Variants in SPATS2 observed in about 807,000 individuals in gnomAD.
The protein encoded by SPATS2 is spermatogenesis associated serine rich 2.
In SPATS2, 38 loss-of-function variants were observed where a neutral mutation model predicts 63.7. That is an observed-to-expected ratio of 0.60 (90% CI 0.46 to 0.78). The LOEUF (loss-of-function observed/expected upper bound fraction) is 0.78, where lower values mean the gene tolerates loss of function less well. Among genes scored for constraint, SPATS2 ranks in the 30% least tolerant of loss-of-function variants. SPATS2 has a pLI of 0.00. For synonymous variants in SPATS2, 207 were observed against 232.9 expected (o/e 0.89, Z 1.01); for missense variants, 588 against 666.2 (o/e 0.88, Z 1.29).
At chr12:49,422,833 G>T (rs1315503452) in intron 2 of SPATS2, among the ~76,000 whole-genome samples, 2 of 151,868 alleles carry the variant, frequency 1.3e-5, no homozygotes, top group African/African-American at 4.8e-5. Context: ...AATCGTTTGA[G>T]CCCAGGAGAT....
At chr12:49,436,193 G>A (rs1367422075) in intron 2 of SPATS2, among the ~76,000 whole-genome samples, 18 of 151,606 alleles carry the variant, frequency 1.2e-4, no homozygotes, top group South Asian at 6.3e-4. Context: ...CGGGCAGAGG[G>A]GCTCCTCACT....
At chr12:49,412,576 G>A (rs1048943535) in intron 2 of SPATS2, among the ~76,000 whole-genome samples, 5 of 151,710 alleles carry the variant, frequency 3.3e-5, no homozygotes, top group Non-Finnish European at 1.5e-5. Context: ...ATGTGTGTGT[G>A]TAAATAATTA....
intron 12 of SPATS2, among the ~76,000 whole-genome samples, chr12:49,523,859 G>A (rs933929702): frequency 6.6e-6 from 1 of 152,106 alleles, no homozygotes; most frequent in African/African-American, 2.4e-5. Context: ...GGCTGAGGCA[G>A]GAGAATGGCG....
intron 2 of SPATS2, among the ~76,000 whole-genome samples, chr12:49,436,645 C>G (rs1158728293): frequency 1.6e-5 from 2 of 125,920 alleles, no homozygotes; most frequent in Non-Finnish European, 3.5e-5. Context: ...GGCGGCTGGC[C>G]GGGCAGAGGG....
intron 2 of SPATS2, among the ~76,000 whole-genome samples, chr12:49,435,601 C>G (rs1469351406): frequency 6.7e-6 from 1 of 149,008 alleles, no homozygotes; most frequent in African/African-American, 2.5e-5. Context: ...GCTAGGATAA[C>G]AGGTGTGAGC....
At chr12:49,442,822 A>G (rs1420603678) in intron 2 of SPATS2, among the ~76,000 whole-genome samples, 1 of 148,462 alleles carries the variant, frequency 6.7e-6, no homozygotes, top group African/African-American at 2.5e-5. Context: ...AAAAAAAAAA[A>G]TTACATTCAC....
intron 2 of SPATS2, among the ~76,000 whole-genome samples, chr12:49,447,472 C>T (rs1268511626): frequency 2.7e-5 from 4 of 147,874 alleles, no homozygotes; most frequent in Non-Finnish European, 6.0e-5. Flanking sequence ...CTCTTGACCT[C>T]GTGATCCCCC....
At chr12:49,410,029 A>C (rs1448093105) in intron 2 of SPATS2, among the ~76,000 whole-genome samples, 1 of 152,082 alleles carries the variant, frequency 6.6e-6, no homozygotes, top group Non-Finnish European at 1.5e-5. Flanking sequence ...ATGGTGAAGA[A>C]TTGTAGAATC....
chr12:49,515,233 C>A (rs1462299492), intron 10 of SPATS2, among the ~76,000 whole-genome samples: 1 of 152,168 alleles, frequency 6.6e-6, no homozygotes, highest in African/African-American at 2.4e-5. Context: ...TTGATCATTT[C>A]TGTTAAGTGT....
chr12:49,429,233 A>G (rs1035627917), intron 2 of SPATS2, among the ~76,000 whole-genome samples: 1 of 152,150 alleles, frequency 6.6e-6, no homozygotes. Context: ...CAGAAATTCT[A>G]TGTTGTTCCA....
intron 9 of SPATS2, among the ~76,000 whole-genome samples, chr12:49,506,401 A>T (rs1278220785): frequency 6.6e-6 from 1 of 152,212 alleles, no homozygotes; most frequent in African/African-American, 2.4e-5. Flanking sequence ...GCAAAGTCAC[A>T]TCTTACATGG....
chr12:49,380,951 A>G (rs551273387), intron 2 of SPATS2, among the ~76,000 whole-genome samples: 1 of 151,454 alleles, frequency 6.6e-6, no homozygotes, highest in East Asian at 1.9e-4. Context: ...TAACTTTTGG[A>G]CAAACCACCA....
At chr12:49,372,707 TC>T (rs1327695466) in intron 2 of SPATS2, among the ~76,000 whole-genome samples, 2 of 152,130 alleles carry the variant, frequency 1.3e-5, no homozygotes, top group African/African-American at 2.4e-5. Flanking sequence ...TTCTGTATCT[TC>T]CTGCATTCAT....
At chr12:49,413,630 C>G (rs532536992) in intron 2 of SPATS2, among the ~76,000 whole-genome samples, 1 of 152,256 alleles carries the variant, frequency 6.6e-6, no homozygotes, top group South Asian at 2.1e-4. Context: ...CCCCCAGAAT[C>G]TCGCCTAATA....
At position 49,460,966 on chromosome 12, in the gene SPATS2, CA is replaced by C; in HGVS notation, c.-43del. On this transcript the variant is annotated 5_prime_UTR_variant, in exon 3 of 14. An upstream open reading frame in the 5' UTR gains an earlier in-frame stop. Coordinates refer to ENST00000552918, the MANE Select transcript of SPATS2 (RefSeq NM_023071.4). ...ACCTACACTCAAAACCCAGACAAGG[CA>C]AAAGGATACTTTTCTTGTATATTTT... 1 of 1,609,352 alleles carries C rather than the reference CA, an allele frequency of 6.2e-7. No homozygotes were observed. Among genetic ancestry groups the C allele is most frequent in the South Asian group, 1.1e-5 (1 of 90,594 alleles).
At chr12:49,488,057 T>TG (rs1946323768) in intron 4 of SPATS2, among the ~76,000 whole-genome samples, 1 of 151,934 alleles carries the variant, frequency 6.6e-6, no homozygotes. Flanking sequence ...TGTATTTTTT[T>TG]TTTTGAGACG....
chr12:49,432,843 C>T (rs1395811590), intron 2 of SPATS2, among the ~76,000 whole-genome samples: 2 of 152,124 alleles, frequency 1.3e-5, no homozygotes, highest in Non-Finnish European at 2.9e-5. Flanking sequence ...CGGTTGCTTT[C>T]ACCTCTTTTC....
intron 4 of SPATS2, chr12:49,486,181 G>A: frequency 4.5e-6 from 2 of 449,176 alleles, no homozygotes; most frequent in South Asian, 3.2e-5. Flanking sequence ...TAAGTTTGGT[G>A]CCTTTTGTTG....
intron 3 of SPATS2, among the ~76,000 whole-genome samples, chr12:49,471,362 A>G (rs1166016373): frequency 6.6e-6 from 1 of 152,216 alleles, no homozygotes; most frequent in Non-Finnish European, 1.5e-5. Flanking sequence ...CTTTTGAGAC[A>G]GAGCCTTGCT....
Sources: gnomAD v4.1 joint callset for allele counts (sites outside exome capture counted in the v4.1 genomes callset) on GRCh38, gnomAD v4.1.1 for gene constraint, MANE v1.5 for transcripts, NCBI Gene and HGNC (gene_info 2026-07-23, HGNC 2026-07-21) for gene names.